RPGRIP1L: variants seen among roughly 807,000 people sequenced by gnomAD.
RPGRIP1L encodes RPGRIP1 like.
Under a neutral mutation model 160.4 loss-of-function variants are expected in RPGRIP1L, and 131 were observed. That is an observed-to-expected ratio of 0.82 (90% CI 0.71 to 0.94). The LOEUF (loss-of-function observed/expected upper bound fraction) is 0.94. RPGRIP1L is among the 40% of genes least tolerant of loss of function. RPGRIP1L has a pLI of 0.00. For missense variants in RPGRIP1L, 1,522 were observed against 1,535.8 expected, an observed-to-expected ratio of 0.99 and a Z score of 0.15; for synonymous variants, 510 against 515.8, an observed-to-expected ratio of 0.99 and a Z score of 0.15.
At chr16:53,656,696 C>A in intron 13 of RPGRIP1L, 107 bp from the exon 14 acceptor site, 1 of 844,232 alleles carries the variant, frequency 1.2e-6, no homozygotes, top group South Asian at 1.4e-5. Context: ...ATAGTAGGAG[C>A]TATGAACCAT....
At chr16:53,616,189 A>C (rs1964368865) in intron 24 of RPGRIP1L, among the ~76,000 whole-genome samples, 1 of 152,208 alleles carries the variant, frequency 6.6e-6, no homozygotes, top group African/African-American at 2.4e-5. Context: ...TTTGGAAATA[A>C]AATTACTTCC....
chr16:53,600,873 A>C lies in RPGRIP1L; in HGVS notation c.*1203T>G, dbSNP rs1316281971. 1 of 152,668 alleles carries C rather than the reference A, an allele frequency of 6.6e-6. No individual in the cohort carries two copies. Among genetic ancestry groups the C allele is most frequent in the African/African-American group, 2.4e-5 (1 of 41,468 alleles). 9.5% of individuals were successfully genotyped at this position (152,668 alleles called of 1,614,324 possible). A position where few individuals can be genotyped will look rare whatever the true frequency, so the allele number is the denominator to read the frequency against. ...AAGCAGAGATTTAATATATCACGGC[A>C]AATTAGGTAGATTTTAATAAATTAC... On this transcript the variant is annotated 3_prime_UTR_variant, in exon 27 of 27. Transcript: ENST00000647211.
At position 53,686,429 on chromosome 16, in the gene RPGRIP1L, A is replaced by G. The variant is rs1970016902; in HGVS notation, c.776+4T>C. Reference sequence around the variant, plus strand: ...ATCAAAGTGATATTTCTGTTTTAACATACCTTTGATCTGTAGCTTGCTGTT... The same window carrying G: ...ATCAAAGTGATATTTCTGTTTTAACGTACCTTTGATCTGTAGCTTGCTGTT... On this transcript the variant is annotated splice_donor_region_variant and intron_variant, in intron 6 of 26. Transcript: ENST00000647211. 3 of 1,612,678 alleles carry G rather than the reference A, an allele frequency of 1.9e-6. No individual in the cohort carries two copies. Among genetic ancestry groups the G allele is most frequent in the East Asian group, 2.2e-5 (1 of 44,816 alleles).
chr16:53,673,105 T>C, intron 7 of RPGRIP1L, 89 bp from the exon 8 acceptor site: 1 of 1,270,822 alleles, frequency 7.9e-7, no homozygotes, highest in Non-Finnish European at 1.1e-6. Context: ...ATTACAATTC[T>C]ATAAATGAAT....
chr16:53,626,778 C>G (rs1213802144), intron 22 of RPGRIP1L, among the ~76,000 whole-genome samples: 1 of 144,572 alleles, frequency 6.9e-6, no homozygotes, highest in Non-Finnish European at 1.5e-5. Flanking sequence ...ACACTCCACC[C>G]TGGGTGACAG....
rs780310164 is a variant in RPGRIP1L, at chr16:53,638,357, T to C, written c.3013A>G (p.Ile1005Val). Residue 1005 changes from isoleucine (I) to valine (V), a missense_variant, in exon 20 of 27, where the codon ATA becomes GTA. Ile to Val is a conservative substitution (Grantham distance 29). Coordinates refer to ENST00000647211, the MANE Select transcript of RPGRIP1L (RefSeq NM_015272.5). Reference protein sequence around the residue: ...RKEISPEVEHIPEIEINMLTV... With the variant: ...RKEISPEVEHVPEIEINMLTV... The stretch of plus-strand genomic sequence containing the variant: ...AGCATATTAATTTCTATTTCTGGTA[T>C]ATGCTCTACCTCTGGTGAAATTTCC... The C allele has an allele frequency of 1.1e-5, 18 of 1,600,650 alleles. No individual in the cohort carries two copies. The highest frequency in any genetic ancestry group is 2.7e-5 in the African/African-American group (2 of 74,620).
At position 53,687,932 on chromosome 16, in the gene RPGRIP1L, G is replaced by GT. The variant is rs1567881906; in HGVS notation, c.562dup (p.Thr188AsnfsTer15). The GT allele has an allele frequency of 1.9e-6, 3 of 1,610,430 alleles. No homozygotes were observed. The highest frequency in any genetic ancestry group is 2.5e-6 in the Non-Finnish European group (3 of 1,177,078). The stretch of plus-strand genomic sequence containing the variant: ...ATATTTTGTAAACATGGGATGTGGA[G>GT]TTTCTGCTACATCTGCATCTTGGAA... On this transcript the variant is annotated frameshift_variant, in exon 5 of 27. Coordinates refer to ENST00000647211, the MANE Select transcript of RPGRIP1L (RefSeq NM_015272.5). LOFTEE classifies it high-confidence loss of function.
At chr16:53,655,113 G>A (rs1967137157) in intron 14 of RPGRIP1L, among the ~76,000 whole-genome samples, 1 of 152,144 alleles carries the variant, frequency 6.6e-6, no homozygotes, top group South Asian at 2.1e-4. Flanking sequence ...TACATGATGT[G>A]TGATATCACA....
At position 53,686,575 on chromosome 16, in the gene RPGRIP1L, C is replaced by G. The variant is rs766043636; in HGVS notation, c.634G>C (p.Glu212Gln). Residue 212 changes from glutamate (E) to glutamine (Q), a missense_variant and splice_region_variant, in exon 6 of 27, where the codon GAA becomes CAA. Transcript: ENST00000647211. ...CCTCTTTGTGACTGAATAACGTTTT[C>G]TCTGAAATAAAGAGCCTCTGTAAGA... ...EEARGEIRNLENVIQSQRGQI... is the reference protein window; with the variant it reads ...EEARGEIRNLQNVIQSQRGQI... The G allele has an allele frequency of 5.0e-6, 8 of 1,613,394 alleles. No homozygotes were observed. In the African/African-American group the frequency reaches 9.3e-5, roughly 19 times the overall value.
chr16:53,609,837 G>A (rs1221179950), intron 25 of RPGRIP1L, among the ~76,000 whole-genome samples: 1 of 152,134 alleles, frequency 6.6e-6, no homozygotes, highest in Non-Finnish European at 1.5e-5. Flanking sequence ...GCTAGTGAAA[G>A]AATAGTGATA....
In RPGRIP1L at chr16:53,668,164, C is replaced by T. The variant is rs78660063; in HGVS notation, c.1104-3155G>A. 5.3e-5 allele frequency among the ~76,000 whole-genome samples: 8 copies of T among 152,100 alleles called. No individual in the cohort carries two copies. The East Asian group carries it at 1.6e-3, about 29-fold the overall frequency. On this transcript the variant is annotated intron_variant, in intron 9 of 26. Coordinates refer to ENST00000647211, the MANE Select transcript of RPGRIP1L (RefSeq NM_015272.5). ...TTTCACTTACTGAAAGAAGATGATGCCCCAAATGTACTTGGAGTTTGATTT... is the reference window on the plus strand; with the variant it reads ...TTTCACTTACTGAAAGAAGATGATGTCCCAAATGTACTTGGAGTTTGATTT...
intron 25 of RPGRIP1L, among the ~76,000 whole-genome samples, chr16:53,609,838 A>C (rs2150933963): frequency 6.6e-6 from 1 of 152,320 alleles, no homozygotes; most frequent in Non-Finnish European, 1.5e-5. Context: ...CTAGTGAAAG[A>C]ATAGTGATAA....
At chr16:53,660,226 G>A (rs11866011) in intron 10 of RPGRIP1L, among the ~76,000 whole-genome samples, 16,542 of 151,998 alleles carry the variant, frequency 0.11, 1,624 homozygotes, top group African/African-American at 0.26. Flanking sequence ...GACTCCCTGT[G>A]GACTAACTCT....
At chr16:53,686,831 G>GT (rs2151319919) in intron 5 of RPGRIP1L, among the ~76,000 whole-genome samples, 1 of 152,294 alleles carries the variant, frequency 6.6e-6, no homozygotes, top group South Asian at 2.1e-4. Context: ...ATTCAATTGA[G>GT]TAAGTATTTA....
rs1169324048 is a variant in RPGRIP1L, at chr16:53,648,962, A to G, written c.2304+2T>C. The G allele has an allele frequency of 6.2e-7, 1 of 1,613,584 alleles. No individual in the cohort carries two copies. Among genetic ancestry groups the G allele is most frequent in the Non-Finnish European group, 8.5e-7 (1 of 1,179,594 alleles). ...AAGGGTCTTAAAGCCAAATGAGCTTACCGACTGCATATGCTCTGGCCCCTT... is the reference window on the plus strand; with the variant it reads ...AAGGGTCTTAAAGCCAAATGAGCTTGCCGACTGCATATGCTCTGGCCCCTT... On this transcript the variant is annotated splice_donor_variant, in intron 16 of 26. Transcript: ENST00000647211. LOFTEE classifies it high-confidence loss of function.
chr16:53,620,936 T>C (rs1409723268), intron 23 of RPGRIP1L, among the ~76,000 whole-genome samples: 2 of 152,188 alleles, frequency 1.3e-5, no homozygotes, highest in African/African-American at 2.4e-5. Context: ...CTACATAAGT[T>C]GGAATTTGAC....
chr16:53,655,246 T>C (rs1967151361), intron 14 of RPGRIP1L, among the ~76,000 whole-genome samples: 1 of 147,122 alleles, frequency 6.8e-6, no homozygotes, highest in African/African-American at 2.4e-5. Context: ...TCTTGAAGTA[T>C]TTTTTTGTTT....
At chr16:53,619,538 T>G (rs1024764009) in intron 23 of RPGRIP1L, among the ~76,000 whole-genome samples, 1 of 152,370 alleles carries the variant, frequency 6.6e-6, no homozygotes, top group Non-Finnish European at 1.5e-5. Context: ...GAATGACAAG[T>G]TGGCCTTGTT....
intron 22 of RPGRIP1L, among the ~76,000 whole-genome samples, chr16:53,629,639 C>T (rs920867666): frequency 2.0e-5 from 3 of 152,124 alleles, no homozygotes; most frequent in South Asian, 2.1e-4. Context: ...TTGAGTCAAT[C>T]GATGCTCACC....
Sources: allele counts gnomAD v4.1 joint callset (sites outside exome capture counted in the v4.1 genomes callset), GRCh38; gene constraint gnomAD v4.1.1; transcripts MANE v1.5; gene names NCBI Gene and HGNC (gene_info 2026-07-23, HGNC 2026-07-21).